Variants in TEAD3 observed in about 807,000 individuals in gnomAD.
TEAD3 encodes the protein transcriptional enhancer factor TEF-5.
In TEAD3, 15 loss-of-function variants were observed where a neutral mutation model predicts 55.6. The observed-to-expected ratio is 0.27, with a 90% CI of 0.18 to 0.42. The LOEUF is 0.42. Among genes scored for constraint, TEAD3 ranks in the 10% least tolerant of loss-of-function variants. TEAD3 has a pLI of 1.00. For missense variants in TEAD3, 407 were observed against 576.8 expected (o/e 0.71, Z 3.01); for synonymous variants, 210 against 232.2 (o/e 0.90, Z 0.87).
downstream of TEAD3, chr6:35,473,629 A>ATTTTTTTT (rs569676341): frequency 1.6e-5 from 2 of 123,778 alleles, no homozygotes; most frequent in African/African-American, 3.2e-5. Context: ...AATAACTTTA[A>ATTTTTTTT]TTTTTTTTTT....
At chr6:35,490,291 G>T (rs943125672) in intron 1 of TEAD3, among the ~76,000 whole-genome samples, 1 of 147,958 alleles carries the variant, frequency 6.8e-6, no homozygotes, top group Non-Finnish European at 1.5e-5. Flanking sequence ...GGGACAGACT[G>T]GGGGGGCGGG....
In TEAD3 at chr6:35,475,344, T is replaced by C; in HGVS notation, c.1186A>G (p.Ile396Val). Residue 396 changes from isoleucine (I) to valine (V), a missense_variant, in exon 12 of 13, where the codon ATC becomes GTC. Transcript: ENST00000639578. The surrounding 1 kb of genome is among the most constrained non-coding windows in gnomAD (Gnocchi z 5.4). ...CCCTGCTGCCCCCATACCTGCAGGA[T>C]GGTGAAGTTCTCCAGCACGCTGTTC... is the stretch of plus-strand genomic sequence containing the variant. The C allele has an allele frequency of 3.7e-6, 6 of 1,613,646 alleles. No homozygotes were observed. Among genetic ancestry groups the C allele is most frequent in the Non-Finnish European group, 4.2e-6 (5 of 1,179,684 alleles).
chr6:35,480,263 G>T (rs1768239372), intron 3 of TEAD3, 49 bp downstream of exon 4: 2 of 1,602,258 alleles, frequency 1.2e-6, no homozygotes, highest in Non-Finnish European at 1.7e-6. Context: ...TAGCGCCGTG[G>T]GTGAGGGGCC....
intron 4 of TEAD3, among the ~76,000 whole-genome samples, chr6:35,479,571 T>TGGGCATGG (rs1479497040): frequency 6.6e-5 from 10 of 152,204 alleles, no homozygotes; most frequent in Non-Finnish European, 1.0e-4. Flanking sequence ...AACTAGGCTC[T>TGGGCATGG]GGGCATGGGG....
At chr6:35,476,392 C>A (rs1468988087) in exon 9 of TEAD3, 1 of 1,613,136 alleles carries the variant, frequency 6.2e-7, no homozygotes, top group South Asian at 1.1e-5. Flanking sequence ...GCCACACAGG[C>A]ACAGAGGCAG....
chr6:35,477,327 C>T (rs780026414), exon 8 of TEAD3: 1 of 1,607,140 alleles, frequency 6.2e-7, no homozygotes. Context: ...GCGTCGGCGG[C>T]AGGGGCGGCT....
In TEAD3 at chr6:35,486,375, G is replaced by A; in HGVS notation, c.202+86C>T. 6.9e-7 allele frequency: 1 copy of A among 1,457,490 alleles called. No homozygotes were observed. Among genetic ancestry groups the A allele is most frequent in the Non-Finnish European group, 9.2e-7 (1 of 1,088,014 alleles). 90.3% of individuals were successfully genotyped at this position (1,457,490 alleles called of 1,614,324 possible). On this transcript the variant is annotated intron_variant, in intron 2 of 12. Transcript: ENST00000639578. This position sits in a 1 kb window ranked among gnomAD's most constrained non-coding sequence, Gnocchi z 7.3. ...AGACTCGCCCGGCCAGCGGCTGGCG[G>A]CCTCCGACGTCACCAAACCGGTTGG...
chr6:35,487,844 G>A (rs866045596), intron 1 of TEAD3, among the ~76,000 whole-genome samples: 37 of 152,318 alleles, frequency 2.4e-4, no homozygotes, highest in East Asian at 1.5e-3. Flanking sequence ...ACAAGGTCAC[G>A]CAGCTGCCAA....
intron 1 of TEAD3, among the ~76,000 whole-genome samples, chr6:35,492,508 G>C (rs1768547236): frequency 6.6e-6 from 1 of 152,156 alleles, no homozygotes; most frequent in South Asian, 2.1e-4. Context: ...AGGCTGGGGA[G>C]GGCTTCCCTC....
Position 35,483,338 on chromosome 6 carries a change from G to T in TEAD3, c.267+1222C>A, listed in dbSNP as rs1405411878. 6.6e-6 allele frequency among the ~76,000 whole-genome samples: 1 copy of T among 152,152 alleles called. No individual in the cohort carries two copies. Among genetic ancestry groups the T allele is most frequent in the African/African-American group, 2.4e-5 (1 of 41,434 alleles). On this transcript the variant is annotated intron_variant, in intron 3 of 12. Transcript: ENST00000639578. This position sits in a 1 kb window ranked among gnomAD's most constrained non-coding sequence, Gnocchi z 4.5. ...GATCTGTGGGTCCAAATCCCACCAG[G>T]ACAGGAGGCTGGGAGTGTGAGGGTA...
At chr6:35,481,897 C>G (rs987694093) in intron 3 of TEAD3, among the ~76,000 whole-genome samples, 1 of 152,218 alleles carries the variant, frequency 6.6e-6, no homozygotes, top group Non-Finnish European at 1.5e-5. Context: ...ATATTTAGCT[C>G]TTTTGTCCAT....
intron 4 of TEAD3, 85 bp from the exon 5 acceptor site, chr6:35,479,401 A>T: frequency 1.3e-6 from 2 of 1,542,386 alleles, no homozygotes; most frequent in Non-Finnish European, 1.8e-6. Flanking sequence ...GCCTACCTCC[A>T]CCCAGTGCCC....
Position 35,486,325 on chromosome 6 carries a change from T to A in TEAD3, c.202+136A>T. The A allele has an allele frequency of 4.7e-6, 5 of 1,055,814 alleles. No individual in the cohort carries two copies. Among genetic ancestry groups the A allele is most frequent in the Non-Finnish European group, 6.7e-6 (5 of 742,064 alleles). 65.4% of individuals were successfully genotyped at this position (1,055,814 alleles called of 1,614,324 possible). A position where few individuals can be genotyped will look rare whatever the true frequency, so the allele number is the denominator to read the frequency against. ...TTATGAGGAGGAGCGCGGAGGAGGA[T>A]CCAGACACACAGGCTTGCGCGCCCA... On this transcript the variant is annotated intron_variant, in intron 2 of 12. Coordinates refer to ENST00000639578, the Ensembl canonical transcript of TEAD3. The surrounding 1 kb of genome is among the most constrained non-coding windows in gnomAD (Gnocchi z 7.3).
chr6:35,485,164 G>C lies in TEAD3; in HGVS notation c.203-540C>G, dbSNP rs1173654510. The stretch of plus-strand genomic sequence containing the variant: ...CTTCCCTTCTCTGGTAAAAGACCAG[G>C]AAGGACAGGAAGGCAGCACTGACCG... On this transcript the variant is annotated intron_variant, in intron 2 of 12. Transcript: ENST00000639578. The surrounding 1 kb of genome is among the most constrained non-coding windows in gnomAD (Gnocchi z 4.3). Among the ~76,000 whole-genome samples the C allele has an allele frequency of 6.6e-6, 1 of 152,156 alleles. No individual in the cohort carries two copies. The highest frequency in any genetic ancestry group is 1.9e-4 in the East Asian group (1 of 5,202).
intron 7 of TEAD3, 31 bp from the exon 8 acceptor site, chr6:35,477,403 G>A (rs1445801771): frequency 6.3e-7 from 1 of 1,588,516 alleles, no homozygotes; most frequent in Non-Finnish European, 8.5e-7. Context: ...TGGTGAGAGG[G>A]TTCCCTCTTC....
intron 8 of TEAD3, 73 bp from the exon 9 acceptor site, chr6:35,476,508 G>A: frequency 1.3e-6 from 2 of 1,580,078 alleles, no homozygotes; most frequent in South Asian, 2.3e-5. Context: ...CCCCCAGCTT[G>A]CAAAGGTGCC....
Position 35,488,228 on chromosome 6 carries a change from C to A in TEAD3, c.-49-1517G>T, listed in dbSNP as rs912783665. Among the ~76,000 whole-genome samples the A allele has an allele frequency of 6.6e-6, 1 of 152,306 alleles. No homozygotes were observed. The highest frequency in any genetic ancestry group is 6.5e-5 in the Admixed American group (1 of 15,300). ...CTCTATCCCACTTCCTGTTCCCGCA[C>A]CTCCAGGCCCCACAGCAGCCCGTAA... On this transcript the variant is annotated intron_variant, in intron 1 of 12. Coordinates refer to ENST00000639578, the Ensembl canonical transcript of TEAD3. This position sits in a 1 kb window ranked among gnomAD's most constrained non-coding sequence, Gnocchi z 4.2.
intron 1 of TEAD3, among the ~76,000 whole-genome samples, chr6:35,490,814 T>C (rs1261226549): frequency 2.0e-5 from 3 of 151,862 alleles, no homozygotes; most frequent in Non-Finnish European, 4.4e-5. Flanking sequence ...CTGGGGCAAA[T>C]GTGGGACTCT....
In TEAD3 at chr6:35,493,824, C is replaced by T. The variant is rs912490812; in HGVS notation, c.-50+3074G>A. Reference sequence around the variant, plus strand: ...TCGTGCGAGTGCGGTGTCCTTCACACGCAGGTCACTTGAGCATCAGAGCCA... The same window carrying T: ...TCGTGCGAGTGCGGTGTCCTTCACATGCAGGTCACTTGAGCATCAGAGCCA... On this transcript the variant is annotated intron_variant, in intron 1 of 12. Coordinates refer to ENST00000639578, the Ensembl canonical transcript of TEAD3. Among the ~76,000 whole-genome samples, 18 of 152,236 alleles carry T rather than the reference C, an allele frequency of 1.2e-4. 1 individual carries two copies. The highest frequency in any genetic ancestry group is 5.9e-4 in the Admixed American group (9 of 15,286).
Sources: gnomAD v4.1 joint callset for allele counts (sites outside exome capture counted in the v4.1 genomes callset) on GRCh38, gnomAD v4.1.1 for gene constraint, Gnocchi (gnomAD v3.1) non-coding constraint, MANE v1.5 for transcripts, NCBI Gene and HGNC (gene_info 2026-07-23, HGNC 2026-07-21) for gene names.